LPIN2: variants seen among roughly 807,000 people sequenced by gnomAD.
The protein encoded by LPIN2 is lipin 2, also known as phosphatidate phosphatase LPIN2.
In LPIN2, 55 loss-of-function variants were observed where a neutral mutation model predicts 111.4. That is an observed-to-expected ratio of 0.49 (90% CI 0.40 to 0.62). The LOEUF (loss-of-function observed/expected upper bound fraction) is 0.62. Ranked by LOEUF, LPIN2 falls within the 20% of genes least tolerant of loss-of-function variation. LPIN2 has a pLI of 0.00. For missense variants in LPIN2, 992 were observed against 1,112.1 expected (o/e 0.89, Z 1.54); for synonymous variants, 425 against 414.0 (o/e 1.03, Z -0.32).
rs2077009397 is a variant in LPIN2 at position 2,918,999 on chromosome 18, T to G, written c.*1294A>C. ...TGGTTCTGGGCTCCTGACAGTTCTC[T>G]TGATGTTAAGAGTGCAGCTCTGTCA... On this transcript the variant is annotated 3_prime_UTR_variant, in exon 20 of 20. Transcript: ENST00000677752. The G allele has an allele frequency of 6.6e-6, 1 of 152,168 alleles. No homozygotes were observed. The highest frequency in any genetic ancestry group is 2.4e-5 in the African/African-American group (1 of 41,432). 9.4% of individuals were successfully genotyped at this position (152,168 alleles called of 1,614,324 possible). A position where few individuals can be genotyped will look rare whatever the true frequency, so the allele number is the denominator to read the frequency against.
chr18:2,922,438 C>G (rs1432081517), intron 16 of LPIN2, among the ~76,000 whole-genome samples: 1 of 152,000 alleles, frequency 6.6e-6, no homozygotes, highest in Non-Finnish European at 1.5e-5. Flanking sequence ...CCATGCCCGG[C>G]TTAATTTTTA....
At chr18:3,000,709 C>A (rs1376821371) in intron 1 of LPIN2, among the ~76,000 whole-genome samples, 2 of 152,076 alleles carry the variant, frequency 1.3e-5, no homozygotes, top group East Asian at 3.9e-4. Context: ...CTCTGGCCTG[C>A]GGAGACTCTG....
Position 2,922,177 on chromosome 18 carries a change from A to G in LPIN2, c.2197T>C (p.Cys733Arg), listed in dbSNP as rs2077065144. 6.2e-7 allele frequency: 1 copy of G among 1,614,036 alleles called. No homozygotes were observed. Among genetic ancestry groups the G allele is most frequent in the Non-Finnish European group, 8.5e-7 (1 of 1,180,004 alleles). The change falls in exon 17 of 20, where the codon TGC (cysteine) becomes CGC (arginine). Residue 733 changes from cysteine to arginine, a missense_variant. Cys to Arg is a radical substitution (Grantham distance 180). Transcript: ENST00000677752. The part of the protein sequence containing the change: ...INENGYKFLY[C>R]SARAIGMADM... ...GCCATGCCGATGGCACGAGCCGAGC[A>G]GTACAGAAACTTGTAGCCATTCCTG...
intron 9 of LPIN2, among the ~76,000 whole-genome samples, chr18:2,930,865 C>T (rs151054568): frequency 6.6e-6 from 1 of 152,302 alleles, no homozygotes; most frequent in Non-Finnish European, 1.5e-5. Context: ...ACTTCAGGGC[C>T]CTATATTCAT....
chr18:2,941,204 G>C (rs1313259456), intron 4 of LPIN2, among the ~76,000 whole-genome samples: 1 of 152,158 alleles, frequency 6.6e-6, no homozygotes, highest in Non-Finnish European at 1.5e-5. Context: ...ATTAGCTGAA[G>C]ACAAACAAGA....
intron 12 of LPIN2, 29 bp from the exon 13 acceptor site, chr18:2,926,834 T>C (rs762106562): frequency 3.6e-5 from 57 of 1,588,234 alleles, no homozygotes; most frequent in Non-Finnish European, 4.7e-5. Flanking sequence ...AATGGCAACA[T>C]GCAATTTTTT....
At chr18:2,971,036 T>G (rs1371038740) in intron 1 of LPIN2, among the ~76,000 whole-genome samples, 1 of 152,192 alleles carries the variant, frequency 6.6e-6, no homozygotes, top group Non-Finnish European at 1.5e-5. Context: ...CCCAGACCTT[T>G]ACTCAACGAC....
chr18:2,954,412 C>T, intron 3 of LPIN2, 92 bp downstream of exon 3: 1 of 846,554 alleles, frequency 1.2e-6, no homozygotes, highest in Admixed American at 1.8e-5. Context: ...TCTGTACAAT[C>T]AACCATAAAA....
At chr18:2,944,583 C>T (rs918084029) in intron 4 of LPIN2, among the ~76,000 whole-genome samples, 2 of 152,050 alleles carry the variant, frequency 1.3e-5, no homozygotes, top group African/African-American at 4.8e-5. Flanking sequence ...ATCTCCTGAC[C>T]TCGTGATCTG....
intron 4 of LPIN2, among the ~76,000 whole-genome samples, chr18:2,945,113 A>C (rs1371241521): frequency 6.6e-6 from 1 of 152,242 alleles, no homozygotes; most frequent in Non-Finnish European, 1.5e-5. Context: ...AAGTACCGTA[A>C]GAACACAAAT....
In LPIN2 at chr18:2,920,222, C is replaced by T. The variant is rs1489695529; in HGVS notation, c.*71G>A. 1 of 1,599,414 alleles carries T rather than the reference C, an allele frequency of 6.3e-7. No individual in the cohort carries two copies. The highest frequency in any genetic ancestry group is 2.2e-5 in the East Asian group (1 of 44,772). ...GGGGAAGGCTGGTATCTGAGGTCAGCAGAAGAGCCAGCTGCCTTCCCTTGC... is the reference window on the plus strand; with the variant it reads ...GGGGAAGGCTGGTATCTGAGGTCAGTAGAAGAGCCAGCTGCCTTCCCTTGC... On this transcript the variant is annotated 3_prime_UTR_variant, in exon 20 of 20. Coordinates refer to ENST00000677752, the MANE Select transcript of LPIN2 (RefSeq NM_001375808.2).
chr18:2,996,235 G>A (rs1010572609), intron 1 of LPIN2, among the ~76,000 whole-genome samples: 1 of 151,908 alleles, frequency 6.6e-6, no homozygotes, highest in African/African-American at 2.4e-5. Flanking sequence ...AGCTACTCGG[G>A]AGGCTGAGGC....
intron 1 of LPIN2, among the ~76,000 whole-genome samples, chr18:3,006,460 G>C (rs551508129): frequency 3.9e-5 from 6 of 152,306 alleles, no homozygotes; most frequent in African/African-American, 1.4e-4. Flanking sequence ...TCCCAGGACA[G>C]CTGGCAGATC....
At chr18:2,937,593 G>T in intron 7 of LPIN2, 99 bp downstream of exon 7, 27 of 721,124 alleles carry the variant, frequency 3.7e-5, no homozygotes, top group Non-Finnish European at 5.9e-5. Context: ...TTCGACTGGT[G>T]AATACAAATA....
chr18:2,992,611 G>A (rs925817496), intron 1 of LPIN2, among the ~76,000 whole-genome samples: 1 of 152,194 alleles, frequency 6.6e-6, no homozygotes, highest in African/African-American at 2.4e-5. Flanking sequence ...AACACTTTGG[G>A]AGGCCAAGGT....
chr18:2,944,039 T>C (rs574434548), intron 4 of LPIN2, among the ~76,000 whole-genome samples: 1 of 152,148 alleles, frequency 6.6e-6, no homozygotes, highest in Non-Finnish European at 1.5e-5. Flanking sequence ...GTAAGTTTAA[T>C]TTATTCCCAA....
intron 4 of LPIN2, among the ~76,000 whole-genome samples, chr18:2,942,869 C>T (rs1234588612): frequency 6.6e-6 from 1 of 152,192 alleles, no homozygotes; most frequent in South Asian, 2.1e-4. Context: ...TATAGTGGAG[C>T]GTACACAGTA....
intron 2 of LPIN2, among the ~76,000 whole-genome samples, chr18:2,960,174 A>ATGTGTGTGTG (rs59457524): frequency 0.056 from 7,703 of 136,472 alleles, 243 homozygotes; most frequent in Non-Finnish European, 0.072. Flanking sequence ...CGACTCAAAA[A>ATGTGTGTGTG]TGTGTGTGTG....
chr18:2,958,183 GA>G (rs977003330), intron 2 of LPIN2, among the ~76,000 whole-genome samples: 13 of 62,562 alleles, frequency 2.1e-4, no homozygotes, highest in South Asian at 1.2e-3. Context: ...ACAGAAAAAA[GA>G]AAAAAAAACT....
Sources: gnomAD v4.1 joint callset for allele counts (sites outside exome capture counted in the v4.1 genomes callset) on GRCh38, gnomAD v4.1.1 for gene constraint, MANE v1.5 for transcripts, NCBI Gene and HGNC (gene_info 2026-07-23, HGNC 2026-07-21) for gene names.